The following HOPX variants were observed in gnomAD, a reference collection of about 807,000 sequenced individuals.
The protein encoded by HOPX is HOP homeobox.
Under a neutral mutation model 11.8 loss-of-function variants are expected in HOPX, and 5 were observed. That is an observed-to-expected ratio of 0.43 (90% CI 0.22 to 0.89). The LOEUF is 0.89. Ranked by LOEUF, HOPX falls within the 40% of genes least tolerant of loss-of-function variation. The pLI is 0.28. For missense variants in HOPX, 119 were observed against 120.0 expected (o/e 0.99, Z 0.04); for synonymous variants, 49 against 49.7 (o/e 0.99, Z 0.06).
At chr4:56,680,986 T>C in intron 1 of HOPX, 10 of 981,362 alleles carry the variant, frequency 1.0e-5, no homozygotes, top group Non-Finnish European at 1.2e-5. Flanking sequence ...AAGAAAAACA[T>C]CTCACCTGCT....
rs554774241 is a variant in HOPX at position 56,667,110 on chromosome 4, A to T, written c.-83-9211T>A. On this transcript the variant is annotated intron_variant, in intron 1 of 3. Coordinates refer to ENST00000420433, the MANE Select transcript of HOPX (RefSeq NM_032495.6). Reference sequence around the variant, plus strand: ...TAGCACAACTTCAACGTGTCCAGGTATCCAGAATTGTCATTGAAACATTGG... The same window carrying T: ...TAGCACAACTTCAACGTGTCCAGGTTTCCAGAATTGTCATTGAAACATTGG... 4.6e-5 allele frequency among the ~76,000 whole-genome samples: 7 copies of T among 152,342 alleles called. No individual in the cohort carries two copies. In the South Asian group the frequency reaches 1.5e-3, roughly 32 times the overall value.
At chr4:56,656,362 A>G (rs994894413) in intron 2 of HOPX, 11 of 1,029,832 alleles carry the variant, frequency 1.1e-5, no homozygotes, top group Non-Finnish European at 1.3e-5. Flanking sequence ...CTAAGGAAGG[A>G]GTGAAGGAAG....
At chr4:56,677,901 A>G (rs997527977) in intron 1 of HOPX, among the ~76,000 whole-genome samples, 2 of 151,748 alleles carry the variant, frequency 1.3e-5, no homozygotes, top group African/African-American at 4.9e-5. Flanking sequence ...GCTGTCCCCC[A>G]GAACAGAGTG....
At chr4:56,651,581 C>T (rs1717172850) in intron 3 of HOPX, among the ~76,000 whole-genome samples, 1 of 152,154 alleles carries the variant, frequency 6.6e-6, no homozygotes, top group South Asian at 2.1e-4. Flanking sequence ...GATTTATTTA[C>T]TCTGAATAAA....
chr4:56,655,339 G>A (rs541124898), intron 3 of HOPX, among the ~76,000 whole-genome samples: 1 of 152,316 alleles, frequency 6.6e-6, no homozygotes, highest in South Asian at 2.1e-4. Flanking sequence ...CATCCTGACA[G>A]CGCCCTCCCT....
chr4:56,672,703 C>T (rs903894946), intron 1 of HOPX: 2 of 151,974 alleles, frequency 1.3e-5, no homozygotes, highest in Non-Finnish European at 1.5e-5. Context: ...CCATGTTGGC[C>T]AGGCTGGTCT....
chr4:56,655,005 A>G (rs1717540964), intron 3 of HOPX, among the ~76,000 whole-genome samples: 1 of 152,140 alleles, frequency 6.6e-6, no homozygotes, highest in South Asian at 2.1e-4. Flanking sequence ...AGTCAGCTAA[A>G]GGCTCCCACA....
At chr4:56,651,867 AGAGAGAGT>A (rs751630174) in intron 3 of HOPX, among the ~76,000 whole-genome samples, 10,199 of 127,720 alleles carry the variant, frequency 0.08, 319 homozygotes, top group Middle Eastern at 0.093. Flanking sequence ...AAAGAGAGAG[AGAGAGAGT>A]GTGTGTGTGT....
At chr4:56,668,088 C>T (rs1249801831) in intron 1 of HOPX, among the ~76,000 whole-genome samples, 1 of 152,110 alleles carries the variant, frequency 6.6e-6, no homozygotes, top group Admixed American at 6.5e-5. Context: ...CCATACCCAG[C>T]TAATTTTTGT....
intron 1 of HOPX, among the ~76,000 whole-genome samples, chr4:56,673,948 G>A (rs1164739017): frequency 6.6e-5 from 10 of 151,358 alleles, no homozygotes; most frequent in Non-Finnish European, 1.5e-4. Flanking sequence ...CAGGTGATCC[G>A]GCCACCTCAT....
intron 1 of HOPX, chr4:56,665,802 G>A (rs1203186537): frequency 1.3e-5 from 2 of 151,980 alleles, no homozygotes; most frequent in Non-Finnish European, 1.5e-5. Context: ...CAAGGAGATG[G>A]ATATTACTTC....
At chr4:56,658,941 G>T (rs959413455) in intron 1 of HOPX, among the ~76,000 whole-genome samples, 1 of 152,192 alleles carries the variant, frequency 6.6e-6, no homozygotes, top group Non-Finnish European at 1.5e-5. Flanking sequence ...TAATTCCAAT[G>T]CTTGGGGTAG....
Position 56,655,917 on chromosome 4 carries a change from C to A in HOPX, c.138G>T (p.Pro46=), listed in dbSNP as rs1335256606. 6.2e-7 allele frequency: 1 copy of A among 1,611,976 alleles called. No individual in the cohort carries two copies. The highest frequency in any genetic ancestry group is 2.2e-5 in the East Asian group (1 of 44,790). Residue 46 remains proline, a synonymous_variant, in exon 3 of 4, where the codon CCG becomes CCT. Coordinates refer to ENST00000420433, the MANE Select transcript of HOPX (RefSeq NM_032495.6). The stretch of plus-strand genomic sequence containing the variant: ...CGATGAGGCACAGCGTGGTGGAATC[C>A]GGGTGCTTGTCGACCTTGTTGAAGT... ...EYNFNKVDKH[P]DSTTLCLIAA...
In HOPX at chr4:56,672,203, G is replaced by A. The variant is rs968643534; in HGVS notation, c.-84+9052C>T. Among the ~76,000 whole-genome samples, 6 of 151,882 alleles carry A rather than the reference G, an allele frequency of 4.0e-5. No homozygotes were observed. The East Asian group carries it at 7.7e-4, about 20-fold the overall frequency. On this transcript the variant is annotated intron_variant, in intron 1 of 3. Transcript: ENST00000420433. ...TTCTGGGTAATCAGTAACCAATATC[G>A]AGAAATAAAATGCTTCTAGAATTTA... is the stretch of plus-strand genomic sequence containing the variant.
At chr4:56,650,924 G>A (rs1717112632) in intron 3 of HOPX, 4 of 1,075,578 alleles carry the variant, frequency 3.7e-6, no homozygotes, top group Non-Finnish European at 3.9e-6. Context: ...AGTTAACTCT[G>A]GATTCTGGTA....
rs1366880150 is a variant in HOPX at position 56,651,871 on chromosome 4, AGAGTGTGTGTGTGTGTGT to A, written c.199-3092_199-3075del. ...GGGAGAGAGAGAAAGAGAGAGAGAGAGAGTGTGTGTGTGTGTGTGTGTGTGTGTGTGTGTGTGTGTGTG... is the reference window on the plus strand; with the variant it reads ...GGGAGAGAGAGAAAGAGAGAGAGAGAGTGTGTGTGTGTGTGTGTGTGTGTG... On this transcript the variant is annotated intron_variant, in intron 3 of 3. Transcript: ENST00000420433. Among the ~76,000 whole-genome samples the A allele has an allele frequency of 7.0e-3, 764 of 109,610 alleles. 9 individuals are homozygous for A. Among genetic ancestry groups the A allele is most frequent in the African/African-American group, 0.024 (717 of 29,660 alleles). 71.9% of individuals were successfully genotyped at this position (109,610 alleles called of 152,430 possible). A position where few individuals can be genotyped will look rare whatever the true frequency, so the allele number is the denominator to read the frequency against.
At chr4:56,662,512 T>C (rs1165712088) in intron 1 of HOPX, 2 of 151,132 alleles carry the variant, frequency 1.3e-5, no homozygotes, top group Non-Finnish European at 2.9e-5. Context: ...CGGAGTCTCA[T>C]TCTGTTGCTC....
chr4:56,661,145 T>C (rs1402101711), intron 1 of HOPX, among the ~76,000 whole-genome samples: 1 of 152,194 alleles, frequency 6.6e-6, no homozygotes, highest in African/African-American at 2.4e-5. Context: ...CACATATGTA[T>C]GGATCCCTAA....
rs933551197 is a variant in HOPX at position 56,660,805 on chromosome 4, T to A, written c.-83-2906A>T. On this transcript the variant is annotated intron_variant, in intron 1 of 3. Coordinates refer to ENST00000420433, the MANE Select transcript of HOPX (RefSeq NM_032495.6). ...TATGAAGCATAAATTAAATAAACAC[T>A]GGTGAACCCCGCTCAATTTAAGCAT... is the stretch of plus-strand genomic sequence containing the variant. 2.0e-5 allele frequency among the ~76,000 whole-genome samples: 3 copies of A among 152,182 alleles called. No homozygotes were observed. In the South Asian group the frequency reaches 6.2e-4, roughly 31 times the overall value.
Sources: allele counts gnomAD v4.1 joint callset (sites outside exome capture counted in the v4.1 genomes callset), GRCh38; gene constraint gnomAD v4.1.1; transcripts MANE v1.5; gene names NCBI Gene and HGNC (gene_info 2026-07-23, HGNC 2026-07-21).